Variants in BAZ2B observed in about 807,000 individuals in gnomAD.
BAZ2B encodes the protein bromodomain adjacent to zinc finger domain 2B.
BAZ2B carries 91 observed loss-of-function variants against 246.0 expected under a neutral mutation model. The observed-to-expected ratio is 0.37, with a 90% confidence interval of 0.31 to 0.44. BAZ2B has a LOEUF of 0.44. Among genes scored for constraint, BAZ2B ranks in the 20% least tolerant of loss-of-function variants. The pLI, the probability that BAZ2B is intolerant of heterozygous loss-of-function variation, is 1.00. For missense variants in BAZ2B, 2,332 were observed against 2,533.7 expected, an observed-to-expected ratio of 0.92 and a Z score of 1.71; for synonymous variants, 855 against 860.0, an observed-to-expected ratio of 0.99 and a Z score of 0.10.
At position 159,499,738 on chromosome 2, in the gene BAZ2B, G is replaced by A. The variant is rs537433779; in HGVS notation, c.-2-21017C>T. ...TCTGATTGGTGTGAGATGGTATCTC[G>A]TTGTGGTTTTGATCAGCATTTCTCT... On this transcript the variant is annotated intron_variant, in intron 2 of 36. Coordinates refer to ENST00000392783, the MANE Select transcript of BAZ2B (RefSeq NM_013450.4). Among the ~76,000 whole-genome samples, 5 of 152,190 alleles carry A rather than the reference G, an allele frequency of 3.3e-5. No individual in the cohort carries two copies. In the East Asian group the frequency reaches 5.8e-4, roughly 18 times the overall value.
intron 27 of BAZ2B, among the ~76,000 whole-genome samples, chr2:159,353,951 A>T (rs2058820268): frequency 6.6e-6 from 1 of 152,180 alleles, no homozygotes; most frequent in Non-Finnish European, 1.5e-5. Flanking sequence ...AGCACCCAAC[A>T]AGGTAAAATT....
chr2:159,318,695 A>AT (rs34943730), downstream of BAZ2B, among the ~76,000 whole-genome samples: 1 of 152,198 alleles, frequency 6.6e-6, no homozygotes, highest in Admixed American at 6.5e-5. Context: ...CCATAGAGGC[A>AT]TTTTTCAGAC....
At chr2:159,562,487 A>G (rs1003044846) in intron 1 of BAZ2B, among the ~76,000 whole-genome samples, 19 of 152,162 alleles carry the variant, frequency 1.2e-4, no homozygotes, top group Non-Finnish European at 2.5e-4. Flanking sequence ...TTAAGTTTCC[A>G]TTTTAGAGCC....
chr2:159,466,818 C>T (rs991344076), intron 3 of BAZ2B, among the ~76,000 whole-genome samples: 2 of 152,264 alleles, frequency 1.3e-5, no homozygotes, highest in East Asian at 3.9e-4. Flanking sequence ...CCTCTTCCTC[C>T]ATTTTTTTTC....
At chr2:159,520,729 T>C (rs2151258262) in intron 2 of BAZ2B, among the ~76,000 whole-genome samples, 2 of 152,264 alleles carry the variant, frequency 1.3e-5, no homozygotes, top group South Asian at 4.1e-4. Context: ...TAATCAAACC[T>C]TGGGCTTTTC....
At chr2:159,489,312 T>TA (rs56156630) in intron 2 of BAZ2B, among the ~76,000 whole-genome samples, 13 of 150,050 alleles carry the variant, frequency 8.7e-5, no homozygotes, top group Middle Eastern at 3.4e-3. Flanking sequence ...ATGAAGATGA[T>TA]AAAAAAAAAG....
intron 8 of BAZ2B, chr2:159,435,523 T>C (rs575652707): frequency 1.3e-5 from 2 of 152,302 alleles, no homozygotes; most frequent in South Asian, 4.1e-4. Context: ...GCCCAGCTAA[T>C]ATTTATATTT....
At chr2:159,637,516 T>C in the BAZ2B span, among the ~76,000 whole-genome samples, 5 of 152,214 alleles carry the variant, frequency 3.3e-5, no homozygotes, top group African/African-American at 4.8e-5. Context: ...GTGGTTTGAG[T>C]GCTAGCTTAG....
chr2:159,477,888 T>C (rs539617859), intron 3 of BAZ2B, among the ~76,000 whole-genome samples: 5 of 152,332 alleles, frequency 3.3e-5, no homozygotes, highest in Non-Finnish European at 7.4e-5. Context: ...AATGGCGCAA[T>C]CTTGGTTCAC....
At position 159,448,369 on chromosome 2, in the gene BAZ2B, T is replaced by C; in HGVS notation, c.375A>G (p.Thr125=). 4 of 1,608,810 alleles carry C rather than the reference T, an allele frequency of 2.5e-6. No individual in the cohort carries two copies. In the South Asian group the frequency reaches 3.3e-5, roughly 13 times the overall value. The part of the protein sequence containing the change: ...WWRTTDAHTR[T]GATFFPPLLG... ...GTAATGGTGGAAAGAAGGTTGCTCC[T>C]GTACGAGTATGAGCATCAGTTGTTC... The change falls in exon 5 of 37, where the codon ACA becomes ACG. Residue 125 remains threonine (T), a synonymous_variant. Coordinates refer to ENST00000392783, the MANE Select transcript of BAZ2B (RefSeq NM_013450.4).
chr2:159,541,369 CTT>C (rs1338424334), intron 2 of BAZ2B, among the ~76,000 whole-genome samples: 1 of 151,934 alleles, frequency 6.6e-6, no homozygotes, highest in Non-Finnish European at 1.5e-5. Context: ...ACCTCTGTCT[CTT>C]GTGTCAAGTG....
the BAZ2B span, among the ~76,000 whole-genome samples, chr2:159,649,604 T>C: frequency 2.3e-4 from 35 of 152,290 alleles, no homozygotes; most frequent in African/African-American, 7.0e-4. Context: ...GTAGGTCATA[T>C]GTCTTTTTTT....
At chr2:159,576,912 C>CA (rs34337483) in intron 1 of BAZ2B, among the ~76,000 whole-genome samples, 10,979 of 50,880 alleles carry the variant, frequency 0.22, 1,491 homozygotes, top group East Asian at 0.4. Flanking sequence ...GACTGTGTCT[C>CA]AAAAAAAAAA....
chr2:159,433,374 A>G lies in BAZ2B; in HGVS notation c.1294-11T>C, dbSNP rs763231896. ...CTGTTTATATTGTTCCTGTTGAAAC[A>G]TAAGTTAAAAAACACAACAAAATGT... is the stretch of plus-strand genomic sequence containing the variant. On this transcript the variant is annotated splice_polypyrimidine_tract_variant and intron_variant, in intron 8 of 36. Coordinates refer to ENST00000392783, the MANE Select transcript of BAZ2B (RefSeq NM_013450.4). The G allele has an allele frequency of 4.7e-5, 75 of 1,587,930 alleles. No individual in the cohort carries two copies. The highest frequency in any genetic ancestry group is 5.8e-5 in the Non-Finnish European group (68 of 1,169,040).
chr2:159,412,285 A>T (rs1273996761), intron 14 of BAZ2B, 50 bp downstream of exon 14: 1 of 1,543,722 alleles, frequency 6.5e-7, no homozygotes, highest in South Asian at 1.1e-5. Context: ...AAATACTTTT[A>T]GTATACTTTT....
intron 36 of BAZ2B, among the ~76,000 whole-genome samples, chr2:159,321,426 A>T (rs2062701321): frequency 6.6e-6 from 1 of 152,138 alleles, no homozygotes; most frequent in African/African-American, 2.4e-5. Context: ...AAGAAAGGAC[A>T]TCAGTTTATG....
the BAZ2B span, among the ~76,000 whole-genome samples, chr2:159,695,763 TA>T: frequency 1.4e-4 from 21 of 152,158 alleles, no homozygotes; most frequent in African/African-American, 4.1e-4. Context: ...TTTTTATTTT[TA>T]TTTTTTTTGA....
intron 2 of BAZ2B, among the ~76,000 whole-genome samples, chr2:159,548,737 T>G (rs2087715632): frequency 6.6e-6 from 1 of 152,138 alleles, no homozygotes; most frequent in African/African-American, 2.4e-5. Context: ...AGTTTGAGGT[T>G]CCAGTGAGCT....
At chr2:159,584,803 C>CT (rs1687670056) in intron 1 of BAZ2B, among the ~76,000 whole-genome samples, 1 of 152,146 alleles carries the variant, frequency 6.6e-6, no homozygotes. Flanking sequence ...GGGTGGACTT[C>CT]TCATGAATGG....
Sources: gnomAD v4.1 joint callset for allele counts (sites outside exome capture counted in the v4.1 genomes callset) on GRCh38, gnomAD v4.1.1 for gene constraint, MANE v1.5 for transcripts, NCBI Gene and HGNC (gene_info 2026-07-23, HGNC 2026-07-21) for gene names.